Variants in CNGA3 observed in about 807,000 individuals in gnomAD.
CNGA3 encodes cyclic nucleotide-gated channel alpha-3.
A neutral mutation model predicts 46.6 loss-of-function variants in CNGA3; 42 were observed. That is an observed-to-expected ratio of 0.90 (90% confidence interval 0.70 to 1.17). CNGA3 has a LOEUF of 1.17. CNGA3 is among the 50% of genes most tolerant of loss of function. CNGA3 has a pLI of 0.00. For synonymous variants in CNGA3, 394 were observed against 369.4 expected (o/e 1.07, Z -0.76); for missense variants, 893 against 890.7 (o/e 1.00, Z -0.03).
At chr2:98,355,801 T>A (rs1036053580) in intron 1 of CNGA3, 2 of 152,210 alleles carry the variant, frequency 1.3e-5, no homozygotes, top group African/African-American at 2.4e-5. Flanking sequence ...AAAATTAAAG[T>A]GCTGGTCACT....
At chr2:98,380,577 GAGCCCCC>G (rs1692515375) in intron 4 of CNGA3, among the ~76,000 whole-genome samples, 1 of 152,142 alleles carries the variant, frequency 6.6e-6, no homozygotes, top group Non-Finnish European at 1.5e-5. Flanking sequence ...CCTTGAACCA[GAGCCCCC>G]AGCCTCATTT....
intron 1 of CNGA3, among the ~76,000 whole-genome samples, chr2:98,349,068 C>T (rs942695940): frequency 3.9e-5 from 6 of 152,086 alleles, no homozygotes; most frequent in East Asian, 1.9e-4. Context: ...GCTGTGGTGA[C>T]GTATAGACTT....
rs577058827 is a variant in CNGA3 at position 98,376,505 on chromosome 2, C to T, written c.102-1182C>T. ...GGGAAGAATCTGTGGGCAGGTGGCG[C>T]AGTCAAGAGACAGCCCAGGCAGACC... On this transcript the variant is annotated intron_variant, in intron 2 of 7. Transcript: ENST00000272602. Among the ~76,000 whole-genome samples the T allele has an allele frequency of 3.3e-5, 5 of 152,212 alleles. No individual in the cohort carries two copies. The East Asian group carries it at 5.8e-4, about 18-fold the overall frequency.
Position 98,377,846 on chromosome 2 carries a change from T to A in CNGA3, c.215+46T>A, listed in dbSNP as rs58990587. ...CCTACCTTGGCCTGGGGGACACTGT[T>A]GCAGAAAGAAGGTAGTGACCTCTCA... On this transcript the variant is annotated intron_variant, in intron 3 of 7. Transcript: ENST00000272602. 2,624 of 1,542,812 alleles carry A rather than the reference T, an allele frequency of 1.7e-3. 35 individuals carry two copies. In the African/African-American group the frequency reaches 0.031, roughly 18 times the overall value.
At chr2:98,386,202 A>C (rs548259356) in intron 5 of CNGA3, among the ~76,000 whole-genome samples, 1 of 152,310 alleles carries the variant, frequency 6.6e-6, no homozygotes, top group African/African-American at 2.4e-5. Context: ...CTACCATCCT[A>C]ATCCTTAGAA....
chr2:98,374,988 G>C (rs1009104803), intron 2 of CNGA3, among the ~76,000 whole-genome samples: 7 of 152,342 alleles, frequency 4.6e-5, no homozygotes, highest in Admixed American at 3.3e-4. Context: ...GAGAGGGTAA[G>C]TGACCAGCCC....
intron 5 of CNGA3, among the ~76,000 whole-genome samples, chr2:98,383,875 G>A (rs1033217497): frequency 6.6e-6 from 1 of 151,940 alleles, no homozygotes; most frequent in Non-Finnish European, 1.5e-5. Context: ...TTTTGCTGCT[G>A]TTGTTATTGT....
At chr2:98,391,399 A>T (rs902314506) in intron 6 of CNGA3, among the ~76,000 whole-genome samples, 1 of 152,168 alleles carries the variant, frequency 6.6e-6, no homozygotes, top group Non-Finnish European at 1.5e-5. Flanking sequence ...TGAGGATAGG[A>T]GGAGAGCTGG....
At chr2:98,375,320 C>T (rs1412671812) in intron 2 of CNGA3, among the ~76,000 whole-genome samples, 1 of 152,232 alleles carries the variant, frequency 6.6e-6, no homozygotes, top group Non-Finnish European at 1.5e-5. Context: ...CCCTGAGGAG[C>T]TGCTGGTGGC....
Position 98,396,519 on chromosome 2 carries a change from C to T in CNGA3, c.1349C>T (p.Thr450Met), listed in dbSNP as rs536496690. Residue 450 changes from threonine to methionine, a missense_variant, in exon 8 of 8, where the codon ACG becomes ATG. Coordinates refer to ENST00000272602, the MANE Select transcript of CNGA3 (RefSeq NM_001298.3). Reference sequence around the variant, plus strand: ...GACTACCTGTGGGCCAACAAGAAGACGGTGGATGAGAAGGAGGTGCTCAAG... The same window carrying T: ...GACTACCTGTGGGCCAACAAGAAGATGGTGGATGAGAAGGAGGTGCTCAAG... ...WFDYLWANKK[T>M]VDEKEVLKSL... The T allele has an allele frequency of 3.2e-5, 51 of 1,613,908 alleles. No individual in the cohort carries two copies. The East Asian group carries it at 4.7e-4, about 15-fold the overall frequency.
intron 1 of CNGA3, among the ~76,000 whole-genome samples, chr2:98,362,711 G>A (rs2104152864): frequency 6.6e-6 from 1 of 152,184 alleles, no homozygotes; most frequent in African/African-American, 2.4e-5. Context: ...TGATGTTTTT[G>A]TCATGAAGCC....
chr2:98,357,337 T>C (rs1691906689), intron 1 of CNGA3, among the ~76,000 whole-genome samples: 1 of 152,228 alleles, frequency 6.6e-6, no homozygotes, highest in African/African-American at 2.4e-5. Flanking sequence ...AATGTGATTG[T>C]AAGTGGTACA....
rs1251771768 is a variant in CNGA3, at chr2:98,389,885, G to A, written c.566+111G>A. On this transcript the variant is annotated intron_variant, in intron 6 of 7. Transcript: ENST00000272602. ...AGGCCTGAGGCCTGGACCCCTCACG[G>A]CCACCACTTAGTTATTGTGCCTCGG... is the stretch of plus-strand genomic sequence containing the variant. 4.0e-6 allele frequency: 3 copies of A among 749,054 alleles called. No individual in the cohort carries two copies. In the South Asian group the frequency reaches 4.9e-5, roughly 12 times the overall value. The allele number at this position is 749,054 out of a possible 1,614,324, so 46.4% of individuals were successfully genotyped here.
intron 6 of CNGA3, among the ~76,000 whole-genome samples, chr2:98,390,962 A>G (rs1231248117): frequency 6.6e-6 from 1 of 152,196 alleles, no homozygotes; most frequent in African/African-American, 2.4e-5. Flanking sequence ...GCCAGTATGC[A>G]AAATGAGGAT....
In CNGA3 at chr2:98,396,101, C is replaced by G. The variant is rs1290229054; in HGVS notation, c.931C>G (p.Leu311Val). 1 of 1,614,242 alleles carries G rather than the reference C, an allele frequency of 6.2e-7. No homozygotes were observed. The highest frequency in any genetic ancestry group is 8.5e-7 in the Non-Finnish European group (1 of 1,180,046). Reference sequence around the variant, plus strand: ...GATTGGGAACTTGGTCTTGTACATTCTCATCATCATCCACTGGAATGCCTG... The same window carrying G: ...GATTGGGAACTTGGTCTTGTACATTGTCATCATCATCCACTGGAATGCCTG... ...FRIGNLVLYILIIIHWNACIY... is the reference protein window; with the variant it reads ...FRIGNLVLYIVIIIHWNACIY... Residue 311 changes from leucine (L) to valine (V), a missense_variant, in exon 8 of 8, where the codon CTC becomes GTC. Transcript: ENST00000272602.
rs77640826 is a variant in CNGA3 at position 98,352,418 on chromosome 2, T to C, written c.-38+5884T>C. Among the ~76,000 whole-genome samples the C allele has an allele frequency of 7.1e-3, 1,086 of 152,296 alleles. 11 individuals are homozygous for C. Among genetic ancestry groups the C allele is most frequent in the African/African-American group, 0.025 (1,035 of 41,546 alleles). On this transcript the variant is annotated intron_variant, in intron 1 of 7. Transcript: ENST00000272602. ...TAAGCTTAGCAGTGGAATTCCTGGA[T>C]CACATGGTAACTCATGTTTAACATT... is the stretch of plus-strand genomic sequence containing the variant.
intron 1 of CNGA3, among the ~76,000 whole-genome samples, chr2:98,363,857 C>T (rs1455875281): frequency 2.0e-5 from 3 of 152,114 alleles, no homozygotes; most frequent in Non-Finnish European, 4.4e-5. Context: ...TGTTAATTTT[C>T]TGTCTCGATG....
chr2:98,361,875 T>C lies in CNGA3; in HGVS notation c.-37-8064T>C, dbSNP rs1692042132. Among the ~76,000 whole-genome samples, 2 of 151,796 alleles carry C rather than the reference T, an allele frequency of 1.3e-5. 1 individual carries two copies. Among genetic ancestry groups the C allele is most frequent in the South Asian group, 4.2e-4 (2 of 4,818 alleles). ...GGCGCCCGCCACCACCCCCAGAGAA[T>C]TTTTTGTATTTTTAGTAGAGACAGG... is the stretch of plus-strand genomic sequence containing the variant. On this transcript the variant is annotated intron_variant, in intron 1 of 7. Transcript: ENST00000272602.
At chr2:98,374,886 C>T (rs1054991979) in intron 2 of CNGA3, among the ~76,000 whole-genome samples, 1 of 152,266 alleles carries the variant, frequency 6.6e-6, no homozygotes, top group African/African-American at 2.4e-5. Flanking sequence ...CTGTTCTTCA[C>T]GGCCAGTTGT....
Sources: gnomAD v4.1 joint callset for allele counts (sites outside exome capture counted in the v4.1 genomes callset) on GRCh38, gnomAD v4.1.1 for gene constraint, MANE v1.5 for transcripts, NCBI Gene and HGNC (gene_info 2026-07-23, HGNC 2026-07-21) for gene names.